The following DOP1B variants were observed in gnomAD, a reference collection of about 807,000 sequenced individuals.
DOP1B encodes the protein protein DOP1B.
Under a neutral mutation model 233.5 loss-of-function variants are expected in DOP1B, and 174 were observed. The ratio of observed to expected loss-of-function variants is 0.75; its 90% CI spans 0.66 to 0.85. The LOEUF (loss-of-function observed/expected upper bound fraction) is 0.85. DOP1B is among the 40% of genes least tolerant of loss of function. The pLI, the probability that DOP1B is intolerant of heterozygous loss-of-function variation, is 0.00. For missense variants in DOP1B, 2,652 were observed against 2,846.6 expected (o/e 0.93, Z 1.56); for synonymous variants, 1,190 against 1,185.6 (o/e 1.00, Z -0.08).
At chr21:36,257,542 T>A (rs2067114132) in intron 23 of DOP1B, among the ~76,000 whole-genome samples, 2 of 152,108 alleles carry the variant, frequency 1.3e-5, no homozygotes, top group Admixed American at 6.6e-5. Flanking sequence ...GCAGGAGTTA[T>A]GAACCAAGAA....
At chr21:36,177,244 G>T (rs551963786) in intron 2 of DOP1B, among the ~76,000 whole-genome samples, 1 of 152,340 alleles carries the variant, frequency 6.6e-6, no homozygotes, top group Admixed American at 6.5e-5. Context: ...GGAGCTGAGG[G>T]TGTTCAAGAG....
chr21:36,188,022 C>T (rs2066185157), intron 2 of DOP1B, among the ~76,000 whole-genome samples: 1 of 152,096 alleles, frequency 6.6e-6, no homozygotes, highest in African/African-American at 2.4e-5. Context: ...AAAAAAAAAG[C>T]ATATTCTAAT....
chr21:36,226,501 A>G (rs2066684362), intron 12 of DOP1B, among the ~76,000 whole-genome samples: 1 of 151,800 alleles, frequency 6.6e-6, no homozygotes, highest in Non-Finnish European at 1.5e-5. Context: ...GTTTCACCAT[A>G]TTGGCCAAGC....
chr21:36,269,562 C>T (rs1273506649), intron 26 of DOP1B, among the ~76,000 whole-genome samples: 2 of 152,132 alleles, frequency 1.3e-5, no homozygotes, highest in Non-Finnish European at 2.9e-5. Flanking sequence ...ACTCTGTCAT[C>T]CAGACTGGAG....
chr21:36,200,216 G>T, intron 3 of DOP1B, 115 bp from the exon 4 acceptor site: 1 of 1,350,352 alleles, frequency 7.4e-7, no homozygotes, highest in Non-Finnish European at 9.9e-7. Flanking sequence ...ATCGAAACCA[G>T]CAGTTTAAAT....
At position 36,239,849 on chromosome 21, in the gene DOP1B, C is replaced by G. The variant is rs778576570; in HGVS notation, c.2961C>G (p.Leu987=). 1 of 1,587,632 alleles carries G rather than the reference C, an allele frequency of 6.3e-7. No homozygotes were observed. The highest frequency in any genetic ancestry group is 1.1e-5 in the South Asian group (1 of 87,938). The part of the protein sequence containing the change: ...AAAQGWLVRA[L]SLGDVARILE... ...CCCAGGGCTGGCTGGTGCGTGCGCT[C>G]TCCCTCGGGGACGTGGCTCGCATCC... is the stretch of plus-strand genomic sequence containing the variant. Residue 987 remains leucine, a synonymous_variant, in exon 18 of 37, where the codon CTC becomes CTG. Transcript: ENST00000691173.
At chr21:36,248,137 C>T (rs745969091) in intron 20 of DOP1B, among the ~76,000 whole-genome samples, 34 of 152,176 alleles carry the variant, frequency 2.2e-4, no homozygotes, top group Non-Finnish European at 7.3e-5. Context: ...ATACATCTAA[C>T]ACTTTGGTTG....
In DOP1B at chr21:36,246,063, A is replaced by G; in HGVS notation, c.4083A>G (p.Ser1361=). ...VLIRIMMQLV[S]VAKSSEGKNV... is the part of the protein sequence containing the mutation. ...TCAGGATAATGATGCAGCTGGTCTCAGTGGCCAAGTCTTCGGAAGGGAAGA... is the reference window on the plus strand; with the variant it reads ...TCAGGATAATGATGCAGCTGGTCTCGGTGGCCAAGTCTTCGGAAGGGAAGA... Residue 1361 remains serine (S), a synonymous_variant, in exon 19 of 37, where the codon TCA becomes TCG. Coordinates refer to ENST00000691173, the MANE Select transcript of DOP1B (RefSeq NM_001320714.2). The surrounding 1 kb of genome is among the most constrained non-coding windows in gnomAD (Gnocchi z 5.1). The G allele has an allele frequency of 6.2e-7, 1 of 1,614,092 alleles. No homozygotes were observed. The highest frequency in any genetic ancestry group is 8.5e-7 in the Non-Finnish European group (1 of 1,180,024).
intron 32 of DOP1B, among the ~76,000 whole-genome samples, chr21:36,284,285 T>TTTTTC (rs1370992712): frequency 1.7e-5 from 2 of 118,646 alleles, no homozygotes; most frequent in Non-Finnish European, 3.5e-5. Context: ...TTTTTTTTTT[T>TTTTTC]TTTGAGACGG....
rs2066782030 is a variant in DOP1B at position 36,232,760 on chromosome 21, CG to C, written c.2351-43del. On this transcript the variant is annotated intron_variant, in intron 14 of 36. Transcript: ENST00000691173. ...TCTGCAGACTGGGGACCCATTCTCA[CG>C]TGGTTCTGCTTGTTTCTGCCTCTCC... The C allele has an allele frequency of 1.9e-6, 3 of 1,608,572 alleles. 1 individual carries two copies. In the Admixed American group the frequency reaches 5.0e-5, roughly 27 times the overall value.
At chr21:36,257,638 AT>A (rs2067117329) in intron 23 of DOP1B, among the ~76,000 whole-genome samples, 2 of 152,070 alleles carry the variant, frequency 1.3e-5, no homozygotes, top group African/African-American at 4.8e-5. Flanking sequence ...AGATAGATAG[AT>A]AGAAGTAGTT....
At chr21:36,242,158 A>G (rs2248376) in intron 18 of DOP1B, among the ~76,000 whole-genome samples, 65,247 of 121,150 alleles carry the variant, frequency 0.54, 15,195 homozygotes, top group South Asian at 0.63. Context: ...GGGCATTATT[A>G]TTATTATTAT....
At chr21:36,197,392 G>T (rs1319617808) in intron 2 of DOP1B, among the ~76,000 whole-genome samples, 1 of 152,198 alleles carries the variant, frequency 6.6e-6, no homozygotes, top group Non-Finnish European at 1.5e-5. Context: ...GCGTACAAGA[G>T]GAAAGTTGTC....
chr21:36,255,376 C>T (rs1459385158), intron 23 of DOP1B, among the ~76,000 whole-genome samples: 2 of 151,994 alleles, frequency 1.3e-5, no homozygotes, highest in South Asian at 2.1e-4. Context: ...CTCCACTTGC[C>T]TTGGCCTCCC....
chr21:36,183,028 C>G (rs2252776), intron 2 of DOP1B, among the ~76,000 whole-genome samples: 93,207 of 151,904 alleles, frequency 0.61, 28,729 homozygotes, highest in African/African-American at 0.68. Flanking sequence ...AGGATGTTTT[C>G]TTTTGTTTAA....
At chr21:36,249,603 T>C (rs2067010362) in intron 21 of DOP1B, among the ~76,000 whole-genome samples, 1 of 152,202 alleles carries the variant, frequency 6.6e-6, no homozygotes, top group South Asian at 2.1e-4. Context: ...CAGGGTGCCT[T>C]TGAGTTCTTA....
intron 35 of DOP1B, 151 bp downstream of exon 35, chr21:36,289,357 A>C (rs1201610969): frequency 1.2e-6 from 1 of 800,274 alleles, no homozygotes; most frequent in East Asian, 2.7e-5. Context: ...ACCAAGTTTC[A>C]GATTACTTGC....
chr21:36,260,644 A>G, intron 23 of DOP1B, 33 bp from the exon 24 acceptor site: 1 of 1,612,738 alleles, frequency 6.2e-7, no homozygotes, highest in Non-Finnish European at 8.5e-7. Flanking sequence ...TTTCCCACCA[A>G]CTCGGAGTAA....
chr21:36,231,029 G>C lies in DOP1B; in HGVS notation c.2245G>C (p.Ala749Pro), dbSNP rs2066758817. Residue 749 changes from alanine (A) to proline (P), a missense_variant, in exon 14 of 37, where the codon GCC (alanine) becomes CCC (proline). By Grantham distance (27) the Ala-to-Pro change is conservative. Around this residue, in one of 3 missense-constraint regions of DOP1B, gnomAD observed 2,617 missense variants for 2,794.3 expected, o/e 0.94. Coordinates refer to ENST00000691173, the MANE Select transcript of DOP1B (RefSeq NM_001320714.2). The stretch of plus-strand genomic sequence containing the variant: ...GGGTTCCAGGGAGGAACGCAGGGAG[G>C]CCTTTGCCGCCGCCTGCCACCTGCT... ...LGGSREERRE[A>P]FAAACHLLLD... 2 of 1,614,166 alleles carry C rather than the reference G, an allele frequency of 1.2e-6. No homozygotes were observed. Among genetic ancestry groups the C allele is most frequent in the Non-Finnish European group, 1.7e-6 (2 of 1,180,042 alleles).
Sources: allele counts gnomAD v4.1 joint callset (sites outside exome capture counted in the v4.1 genomes callset), GRCh38; gene constraint gnomAD v4.1.1; regional missense constraint gnomAD v4.1.1; non-coding constraint Gnocchi (gnomAD v3.1); transcripts MANE v1.5; gene names NCBI Gene and HGNC (gene_info 2026-07-23, HGNC 2026-07-21).